ADAM32: variants seen among roughly 807,000 people sequenced by gnomAD.
The protein encoded by ADAM32 is disintegrin and metalloproteinase domain-containing protein 32.
ADAM32 carries 89 observed loss-of-function variants against 114.9 expected under a neutral mutation model. The observed-to-expected ratio is 0.77, with a 90% CI of 0.65 to 0.92. The LOEUF (loss-of-function observed/expected upper bound fraction) is 0.92. Among genes scored for constraint, ADAM32 ranks in the 40% least tolerant of loss-of-function variants. The pLI is 0.00. For missense variants in ADAM32, 870 were observed against 932.8 expected, an observed-to-expected ratio of 0.93 and a Z score of 0.88; for synonymous variants, 285 against 307.5, an observed-to-expected ratio of 0.93 and a Z score of 0.77.
intron 2 of ADAM32, among the ~76,000 whole-genome samples, chr8:39,125,374 T>C (rs1004595705): frequency 2.6e-5 from 4 of 152,220 alleles, no homozygotes; most frequent in Non-Finnish European, 4.4e-5. Flanking sequence ...TCTATGCCTG[T>C]CCTACTATTG....
At chr8:39,281,519 A>C (rs890181822) in intron 23 of ADAM32, among the ~76,000 whole-genome samples, 3 of 152,230 alleles carry the variant, frequency 2.0e-5, no homozygotes, top group African/African-American at 7.2e-5. Flanking sequence ...AAGGGGAAAT[A>C]GTACTTTTTC....
chr8:39,228,553 A>G (rs1374817554), intron 14 of ADAM32, among the ~76,000 whole-genome samples: 1 of 152,212 alleles, frequency 6.6e-6, no homozygotes, highest in Non-Finnish European at 1.5e-5. Context: ...AGTCTTAGCA[A>G]TAGAACTGAA....
intron 23 of ADAM32, among the ~76,000 whole-genome samples, chr8:39,282,825 A>G (rs1470407137): frequency 1.3e-5 from 2 of 152,212 alleles, no homozygotes; most frequent in Non-Finnish European, 2.9e-5. Flanking sequence ...ATGTCTATAA[A>G]TACAGATCTT....
At chr8:39,279,407 C>T (rs1178137218) in intron 22 of ADAM32, among the ~76,000 whole-genome samples, 2 of 152,178 alleles carry the variant, frequency 1.3e-5, no homozygotes, top group Non-Finnish European at 2.9e-5. Flanking sequence ...CCTCAGCCTA[C>T]CAAGTAGCTG....
intron 11 of ADAM32, among the ~76,000 whole-genome samples, chr8:39,187,355 T>G (rs1240066684): frequency 1.3e-5 from 2 of 152,210 alleles, no homozygotes; most frequent in Non-Finnish European, 2.9e-5. Context: ...CACTGCAAGC[T>G]CTGCCTCCCG....
chr8:39,165,140 A>T lies in ADAM32; in HGVS notation c.777A>T (p.Leu259Phe). 6.2e-7 allele frequency: 1 copy of T among 1,602,942 alleles called. No homozygotes were observed. The highest frequency in any genetic ancestry group is 1.7e-5 in the Admixed American group (1 of 59,310). ...CAGATGAATTATTGCAAAAATTTTT[A>T]GAATGGAAACAATCTTATCTTAACC... ...GEADELLQKF[L>F]EWKQSYLNLR... Residue 259 changes from leucine to phenylalanine, a missense_variant, in exon 9 of 25, where the codon TTA (leucine) becomes TTT (phenylalanine). Coordinates refer to ENST00000379907, the MANE Select transcript of ADAM32 (RefSeq NM_145004.7).
chr8:39,254,531 C>T lies in ADAM32; in HGVS notation c.2005+15C>T. The T allele has an allele frequency of 1.3e-6, 2 of 1,500,988 alleles. No individual in the cohort carries two copies. The highest frequency in any genetic ancestry group is 1.3e-5 in the South Asian group (1 of 76,682). 93.0% of individuals were successfully genotyped at this position (1,500,988 alleles called of 1,614,324 possible). A position where few individuals can be genotyped will look rare whatever the true frequency, so the allele number is the denominator to read the frequency against. Reference sequence around the variant, plus strand: ...GGAAGATATGGGCAAGTATTTGTCTCTTTAAATACCCATTTAATAAAATTC... The same window carrying T: ...GGAAGATATGGGCAAGTATTTGTCTTTTTAAATACCCATTTAATAAAATTC... On this transcript the variant is annotated intron_variant, in intron 18 of 24. Transcript: ENST00000379907.
chr8:39,154,685 A>G (rs528670783), intron 6 of ADAM32, among the ~76,000 whole-genome samples: 1 of 152,272 alleles, frequency 6.6e-6, no homozygotes, highest in Admixed American at 6.5e-5. Flanking sequence ...ATTTCTCCAC[A>G]TCCTTTCTAG....
At position 39,164,848 on chromosome 8, in the gene ADAM32, C is replaced by G; in HGVS notation, c.666+13C>G. On this transcript the variant is annotated intron_variant, in intron 8 of 24. Coordinates refer to ENST00000379907, the MANE Select transcript of ADAM32 (RefSeq NM_145004.7). ...CCTTGCAAATTCAGTAAGTGTTTTC[C>G]TTTTCATATTAAAATAATTGTTGTT... The G allele has an allele frequency of 1.3e-6, 2 of 1,591,540 alleles. No individual in the cohort carries two copies. Among genetic ancestry groups the G allele is most frequent in the South Asian group, 2.3e-5 (2 of 87,842 alleles).
At chr8:39,157,762 G>A (rs768855822) in intron 6 of ADAM32, 31 of 1,381,494 alleles carry the variant, frequency 2.2e-5, no homozygotes, top group African/African-American at 2.9e-5. Context: ...AAAGTCATTG[G>A]TCACTTCACC....
chr8:39,259,290 G>T (rs753459154), intron 19 of ADAM32, among the ~76,000 whole-genome samples: 21 of 151,412 alleles, frequency 1.4e-4, no homozygotes, highest in African/African-American at 3.9e-4. Context: ...ACCTTAGCTC[G>T]CCGGGTTCAA....
chr8:39,172,135 T>A lies in ADAM32; in HGVS notation c.915+2138T>A, dbSNP rs1465699951. ...AAGGAGGACATTTTAGGCATCAGAA[T>A]CTAATGGAGCACTGAATTTTTTTCT... On this transcript the variant is annotated intron_variant, in intron 10 of 24. Coordinates refer to ENST00000379907, the MANE Select transcript of ADAM32 (RefSeq NM_145004.7). Among the ~76,000 whole-genome samples, 4 of 152,216 alleles carry A rather than the reference T, an allele frequency of 2.6e-5. No homozygotes were observed. In the East Asian group the frequency reaches 5.8e-4, roughly 22 times the overall value.
In ADAM32 at chr8:39,120,711, G is replaced by A. The variant is rs1271186927; in HGVS notation, c.138+2546G>A. 7.7e-5 allele frequency among the ~76,000 whole-genome samples: 11 copies of A among 143,650 alleles called. 1 individual carries two copies. Among genetic ancestry groups the A allele is most frequent in the Non-Finnish European group, 3.0e-5 (2 of 66,898 alleles). The allele number at this position is 143,650 out of a possible 152,430, so 94.2% of individuals were successfully genotyped here. ...CAGGAGGCAGAGGTTGCAGTGAGCC[G>A]AGATTGGGCCACTGCACATTAGCCT... is the stretch of plus-strand genomic sequence containing the variant. On this transcript the variant is annotated intron_variant, in intron 2 of 24. Transcript: ENST00000379907.
chr8:39,238,499 T>G (rs1389383022), intron 16 of ADAM32, among the ~76,000 whole-genome samples: 1 of 152,294 alleles, frequency 6.6e-6, no homozygotes, highest in East Asian at 1.9e-4. Flanking sequence ...AAAACAATTC[T>G]GGTAATATGA....
At chr8:39,191,118 G>A (rs1806577006) in intron 11 of ADAM32, among the ~76,000 whole-genome samples, 1 of 152,166 alleles carries the variant, frequency 6.6e-6, no homozygotes, top group South Asian at 2.1e-4. Context: ...ATTCCGTGGT[G>A]TGCGTGTACC....
intron 17 of ADAM32, among the ~76,000 whole-genome samples, chr8:39,251,769 GT>G (rs996380144): frequency 1.1e-4 from 17 of 151,694 alleles, no homozygotes; most frequent in African/African-American, 4.1e-4. Context: ...TGCTTTTGAG[GT>G]TATATCCAAA....
At chr8:39,136,793 A>G in intron 3 of ADAM32, 75 bp downstream of exon 3, 2 of 956,202 alleles carry the variant, frequency 2.1e-6, no homozygotes, top group Non-Finnish European at 3.0e-6. Flanking sequence ...AAAATGGAGT[A>G]TGAGAAAAAT....
At chr8:39,223,374 T>A (rs930834059) in intron 14 of ADAM32, 136 bp downstream of exon 14, 1 of 408,750 alleles carries the variant, frequency 2.4e-6, no homozygotes, top group Admixed American at 4.6e-5. Context: ...TTTATATATA[T>A]TTTATTATAT....
intron 11 of ADAM32, among the ~76,000 whole-genome samples, chr8:39,188,089 CAT>C (rs60398742): frequency 0.24 from 36,397 of 151,886 alleles, 4,832 homozygotes; most frequent in Non-Finnish European, 0.29. Flanking sequence ...ATTTTGAAAA[CAT>C]ATTATTTTTA....
Sources: gnomAD v4.1 joint callset for allele counts (sites outside exome capture counted in the v4.1 genomes callset) on GRCh38, gnomAD v4.1.1 for gene constraint, MANE v1.5 for transcripts, NCBI Gene and HGNC (gene_info 2026-07-23, HGNC 2026-07-21) for gene names.